Variants in TRAF2 observed in about 807,000 individuals in gnomAD.
TRAF2 encodes the protein TNF receptor associated factor 2, also known as TNF receptor-associated factor 2.
TRAF2 carries 6 observed loss-of-function variants against 55.6 expected under a neutral mutation model. The ratio of observed to expected loss-of-function variants is 0.11; its 90% confidence interval spans 0.06 to 0.21. TRAF2 has a LOEUF of 0.21. Ranked by LOEUF, TRAF2 falls within the 10% of genes least tolerant of loss-of-function variation. The pLI, the probability that TRAF2 is intolerant of heterozygous loss-of-function variation, is 1.00. For synonymous variants in TRAF2, 329 were observed against 276.3 expected (o/e 1.19, Z -1.89); for missense variants, 561 against 684.5 (o/e 0.82, Z 2.01).
At position 136,918,247 on chromosome 9, in the gene TRAF2, A is replaced by ATT. The variant is rs1554781749; in HGVS notation, c.678+1633_678+1634insTT. Among the ~76,000 whole-genome samples, 9 of 46,676 alleles carry ATT rather than the reference A, an allele frequency of 1.9e-4. 1 individual carries two copies. The highest frequency in any genetic ancestry group is 1.5e-3 in the African/African-American group (9 of 6,022). The allele number at this position is 46,676 out of a possible 152,430, so 30.6% of individuals were successfully genotyped here. On this transcript the variant is annotated intron_variant, in intron 7 of 10. Coordinates refer to ENST00000247668, the MANE Select transcript of TRAF2 (RefSeq NM_021138.4). Reference sequence around the variant, plus strand: ...TTTGTTTATATATATATATATATATATATATATATATTTATTTAATTAATT... The same window carrying ATT: ...TTTGTTTATATATATATATATATATATTTATATATATATTTATTTAATTAATT...
chr9:136,883,632 T>C (rs1849398999), upstream of TRAF2, among the ~76,000 whole-genome samples: 1 of 152,110 alleles, frequency 6.6e-6, no homozygotes, highest in Non-Finnish European at 1.5e-5. Context: ...TTTTCCTGCC[T>C]CAGCCTCCTG....
upstream of TRAF2, among the ~76,000 whole-genome samples, chr9:136,885,424 C>T (rs554529375): frequency 8.5e-5 from 13 of 152,260 alleles, no homozygotes; most frequent in African/African-American, 3.1e-4. Flanking sequence ...AGCTCCCGTT[C>T]TCCTGGGCAG....
intron 6 of TRAF2, among the ~76,000 whole-genome samples, chr9:136,915,957 A>G (rs1036797892): frequency 3.9e-5 from 6 of 152,240 alleles, no homozygotes; most frequent in East Asian, 1.9e-4. Context: ...CACACCTGCC[A>G]TGTCACCTGG....
intron 10 of TRAF2, among the ~76,000 whole-genome samples, chr9:136,925,207 A>T (rs1373212051): frequency 1.3e-5 from 2 of 152,094 alleles, no homozygotes; most frequent in African/African-American, 2.4e-5. Context: ...GGGGGTGTGG[A>T]GGGCCCACAG....
chr9:136,924,075 G>T (rs1850463313), intron 10 of TRAF2, 75 bp downstream of exon 10: 2 of 1,556,672 alleles, frequency 1.3e-6, no homozygotes. Flanking sequence ...CTGTGGTGCA[G>T]GGTTGTGCGG....
intron 7 of TRAF2, among the ~76,000 whole-genome samples, chr9:136,916,860 T>C (rs1434892480): frequency 6.6e-6 from 1 of 152,116 alleles, no homozygotes; most frequent in Non-Finnish European, 1.5e-5. Context: ...GGATGCCCAG[T>C]GTGTGTGCCC....
chr9:136,898,519 C>A, intron 1 of TRAF2, 194 bp from the exon 2 acceptor site: 2 of 935,352 alleles, frequency 2.1e-6, no homozygotes, highest in Non-Finnish European at 2.5e-6. Flanking sequence ...AGTTTCCATA[C>A]TAGCGGCGGG....
At position 136,918,248 on chromosome 9, in the gene TRAF2, TA is replaced by T. The variant is rs1564419428; in HGVS notation, c.678+1634del. ...TTGTTTATATATATATATATATATATATATATATATTTATTTAATTAATTAA... is the reference window on the plus strand; with the variant it reads ...TTGTTTATATATATATATATATATATTATATATATTTATTTAATTAATTAA... On this transcript the variant is annotated intron_variant, in intron 7 of 10. Transcript: ENST00000247668. Among the ~76,000 whole-genome samples, 181 of 46,864 alleles carry T rather than the reference TA, an allele frequency of 3.9e-3. 1 individual carries two copies. The highest frequency in any genetic ancestry group is 0.028 in the African/African-American group (173 of 6,142). 30.7% of individuals were successfully genotyped at this position (46,864 alleles called of 152,430 possible).
intron 8 of TRAF2, 53 bp from the exon 9 acceptor site, chr9:136,920,985 G>A: frequency 6.3e-7 from 1 of 1,599,626 alleles, no homozygotes; most frequent in Non-Finnish European, 8.5e-7. Flanking sequence ...GGAGGCAGGG[G>A]CTCGTGCCCG....
rs1849647880 is a variant in TRAF2 at position 136,894,785 on chromosome 9, T to C, written c.-28-3928T>C. Among the ~76,000 whole-genome samples, 5 of 152,022 alleles carry C rather than the reference T, an allele frequency of 3.3e-5. No individual in the cohort carries two copies. In the South Asian group the frequency reaches 1.0e-3, roughly 32 times the overall value. On this transcript the variant is annotated intron_variant, in intron 1 of 10. Coordinates refer to ENST00000247668, the MANE Select transcript of TRAF2 (RefSeq NM_021138.4). ...CAGCATGGAGGCAGAGCCAGTGGAA[T>C]TGGCCTGTGATTGGACAAGGAATGG...
chr9:136,925,024 A>C (rs1008643407), intron 10 of TRAF2, among the ~76,000 whole-genome samples: 2 of 152,240 alleles, frequency 1.3e-5, no homozygotes, highest in African/African-American at 2.4e-5. Context: ...GGCGTGAGCC[A>C]CTGTGCCTGG....
intron 9 of TRAF2, among the ~76,000 whole-genome samples, chr9:136,921,867 C>T (rs17244215): frequency 0.017 from 2,556 of 152,282 alleles, 67 homozygotes; most frequent in African/African-American, 0.059. Context: ...TGCTGTCCCT[C>T]GAGGCCCTGG....
intron 4 of TRAF2, 119 bp downstream of exon 4, chr9:136,900,639 T>C: frequency 1.2e-6 from 1 of 817,598 alleles, no homozygotes; most frequent in Non-Finnish European, 2.1e-6. Flanking sequence ...GAAGCCTGTC[T>C]GATGTCTGTG....
At chr9:136,909,203 T>C (rs1408400075) in intron 5 of TRAF2, among the ~76,000 whole-genome samples, 4 of 29,290 alleles carry the variant, frequency 1.4e-4, no homozygotes, top group Non-Finnish European at 2.7e-4. Context: ...TGCTCAAGTC[T>C]GACTTCGCCT....
chr9:136,915,054 C>T (rs1173964492), intron 6 of TRAF2, among the ~76,000 whole-genome samples: 1 of 152,110 alleles, frequency 6.6e-6, no homozygotes. Flanking sequence ...TAGCGCATGC[C>T]TGTAATCCCA....
At chr9:136,887,450 C>T (rs1013766982) in intron 1 of TRAF2, among the ~76,000 whole-genome samples, 6 of 152,074 alleles carry the variant, frequency 3.9e-5, no homozygotes, top group African/African-American at 1.4e-4. Flanking sequence ...ATTTTGAGGC[C>T]CCGAGGGCTG....
intron 1 of TRAF2, among the ~76,000 whole-genome samples, chr9:136,887,728 G>T (rs534977632): frequency 6.6e-6 from 1 of 152,312 alleles, no homozygotes; most frequent in African/African-American, 2.4e-5. Flanking sequence ...GTGGACACTT[G>T]TAAGGTTCAA....
chr9:136,884,758 CCCCATGCTG>C (rs1424311801), upstream of TRAF2, among the ~76,000 whole-genome samples: 3 of 152,216 alleles, frequency 2.0e-5, no homozygotes, highest in Admixed American at 6.5e-5. Flanking sequence ...GATGGGGTTC[CCCCATGCTG>C]CCCATGCTGG....
chr9:136,884,625 C>T (rs532826942), upstream of TRAF2, among the ~76,000 whole-genome samples: 10 of 152,312 alleles, frequency 6.6e-5, no homozygotes, highest in East Asian at 1.9e-3. Flanking sequence ...GGTGCAACCA[C>T]AGCTCACTGC....
Sources: gnomAD v4.1 joint callset for allele counts (sites outside exome capture counted in the v4.1 genomes callset) on GRCh38, gnomAD v4.1.1 for gene constraint, MANE v1.5 for transcripts, NCBI Gene and HGNC (gene_info 2026-07-23, HGNC 2026-07-21) for gene names.